The following PCCA variants were observed in gnomAD, a reference collection of about 807,000 sequenced individuals.
PCCA encodes the protein propionyl-CoA carboxylase subunit alpha, also known as propionyl-CoA carboxylase alpha chain, mitochondrial.
Under a neutral mutation model 101.3 loss-of-function variants are expected in PCCA, and 74 were observed. The observed-to-expected ratio is 0.73, with a 90% CI of 0.61 to 0.89. PCCA has a LOEUF of 0.89. Ranked by LOEUF, PCCA falls within the 40% of genes least tolerant of loss-of-function variation. PCCA has a pLI of 0.00. For missense variants in PCCA, 891 were observed against 907.0 expected (o/e 0.98, Z 0.23); for synonymous variants, 294 against 313.6 (o/e 0.94, Z 0.66).
intron 18 of PCCA, among the ~76,000 whole-genome samples, chr13:100,343,457 T>C (rs1393506149): frequency 6.6e-6 from 1 of 152,230 alleles, no homozygotes; most frequent in East Asian, 1.9e-4. Context: ...AATAAACAGC[T>C]ACATTCACTA....
rs372824956 is a variant in PCCA, at chr13:100,397,612, T to G, written c.1747-28021T>G. Among the ~76,000 whole-genome samples the G allele has an allele frequency of 1.1e-3, 165 of 152,314 alleles. 6 individuals are homozygous for G. The South Asian group carries it at 0.031, about 29-fold the overall frequency. On this transcript the variant is annotated intron_variant, in intron 19 of 23. Transcript: ENST00000376285. Reference sequence around the variant, plus strand: ...GAGAGGGAATTATAAAATATGCCATTTTCTAACTCAGTGTTTAAACCTTAA... The same window carrying G: ...GAGAGGGAATTATAAAATATGCCATGTTCTAACTCAGTGTTTAAACCTTAA...
chr13:100,264,150 T>C (rs182384529), intron 10 of PCCA, among the ~76,000 whole-genome samples: 2 of 118,108 alleles, frequency 1.7e-5, no homozygotes, highest in Admixed American at 1.8e-4. Context: ...CTGTATATCG[T>C]ATATATATGG....
chr13:100,385,849 C>T (rs1369746173), intron 19 of PCCA, among the ~76,000 whole-genome samples: 1 of 152,172 alleles, frequency 6.6e-6, no homozygotes, highest in Non-Finnish European at 1.5e-5. Context: ...TGGGCTGAAA[C>T]AATCCACCTG....
chr13:100,223,288 C>T (rs989802161), intron 7 of PCCA, among the ~76,000 whole-genome samples: 1 of 152,128 alleles, frequency 6.6e-6, no homozygotes, highest in Non-Finnish European at 1.5e-5. Context: ...CGGACCCTCG[C>T]GGTGAGTGTT....
intron 6 of PCCA, among the ~76,000 whole-genome samples, chr13:100,157,716 A>G (rs2054017405): frequency 6.6e-6 from 1 of 152,180 alleles, no homozygotes; most frequent in African/African-American, 2.4e-5. Context: ...CAATGCCTCT[A>G]TTTTGGGTGA....
At chr13:100,310,995 G>A (rs1192815512) in intron 16 of PCCA, among the ~76,000 whole-genome samples, 2 of 152,018 alleles carry the variant, frequency 1.3e-5, no homozygotes, top group African/African-American at 4.8e-5. Flanking sequence ...TAGCACTTTG[G>A]GAGGCTGAGG....
intron 19 of PCCA, among the ~76,000 whole-genome samples, chr13:100,405,769 C>T (rs867563267): frequency 1.0e-3 from 119 of 116,332 alleles, no homozygotes; most frequent in South Asian, 1.4e-3. Flanking sequence ...AAGTGACATT[C>T]TTTTTTTTTT....
intron 20 of PCCA, among the ~76,000 whole-genome samples, chr13:100,445,149 A>C (rs2080729393): frequency 6.6e-6 from 1 of 152,158 alleles, no homozygotes; most frequent in Non-Finnish European, 1.5e-5. Flanking sequence ...GCTCTTTTAA[A>C]CAACCAGCTT....
At chr13:100,144,176 G>A (rs1226235986) in intron 4 of PCCA, among the ~76,000 whole-genome samples, 1 of 152,064 alleles carries the variant, frequency 6.6e-6, no homozygotes, top group African/African-American at 2.4e-5. Flanking sequence ...TTCAATGTCT[G>A]GGAGCTAACT....
At chr13:100,121,982 C>A (rs1274111276) in intron 4 of PCCA, among the ~76,000 whole-genome samples, 2 of 152,136 alleles carry the variant, frequency 1.3e-5, no homozygotes, top group Non-Finnish European at 2.9e-5. Flanking sequence ...GATTTAGGCT[C>A]TGGTATTTTC....
rs945257846 is a variant in PCCA at position 100,207,485 on chromosome 13, G to A, written c.469-1847G>A. Among the ~76,000 whole-genome samples the A allele has an allele frequency of 6.6e-5, 10 of 152,026 alleles. 1 individual carries two copies. The East Asian group carries it at 7.9e-4, about 12-fold the overall frequency. On this transcript the variant is annotated intron_variant, in intron 6 of 23. Coordinates refer to ENST00000376285, the MANE Select transcript of PCCA (RefSeq NM_000282.4). ...AACCTCTGACTCCTGGGTTCAAGCA[G>A]TTCTCCCACCTCAGCCTCCCAAGTA...
intron 4 of PCCA, among the ~76,000 whole-genome samples, chr13:100,133,172 CAT>C (rs1451620087): frequency 6.6e-6 from 1 of 152,172 alleles, no homozygotes; most frequent in Admixed American, 6.5e-5. Context: ...ACCTTCTTCT[CAT>C]GTGCTTATTT....
At chr13:100,376,263 C>G (rs963695313) in intron 19 of PCCA, among the ~76,000 whole-genome samples, 4 of 152,216 alleles carry the variant, frequency 2.6e-5, no homozygotes, top group Non-Finnish European at 5.9e-5. Context: ...AGCTGGAGCT[C>G]TCCTGTGTGA....
intron 4 of PCCA, among the ~76,000 whole-genome samples, chr13:100,125,241 C>T (rs1397905353): frequency 6.6e-6 from 1 of 151,834 alleles, no homozygotes; most frequent in Non-Finnish European, 1.5e-5. Context: ...TGATGGCTGT[C>T]CTGGTCCATG....
intron 19 of PCCA, among the ~76,000 whole-genome samples, chr13:100,393,000 T>C (rs559984419): frequency 6.6e-6 from 1 of 152,302 alleles, no homozygotes; most frequent in East Asian, 1.9e-4. Flanking sequence ...TCCTGACGGC[T>C]CCTGCTTCTC....
intron 4 of PCCA, among the ~76,000 whole-genome samples, chr13:100,151,909 A>G (rs2053373522): frequency 2.0e-5 from 3 of 152,226 alleles, no homozygotes; most frequent in Admixed American, 1.3e-4. Context: ...AAACAAATAT[A>G]TCTACTCAGC....
chr13:100,165,890 ATAAATAAG>A (rs1194155058), intron 6 of PCCA, among the ~76,000 whole-genome samples: 12 of 152,338 alleles, frequency 7.9e-5, no homozygotes, highest in African/African-American at 2.9e-4. Context: ...TCTCAAAAAA[ATAAATAAG>A]TAAATAAGTA....
chr13:100,300,359 G>A (rs2065966712), intron 12 of PCCA, among the ~76,000 whole-genome samples: 1 of 151,836 alleles, frequency 6.6e-6, no homozygotes, highest in Non-Finnish European at 1.5e-5. Context: ...TTTTTTTTAA[G>A]ACTATGGCAT....
chr13:100,410,262 G>T (rs902046714), intron 19 of PCCA, among the ~76,000 whole-genome samples: 1 of 151,584 alleles, frequency 6.6e-6, no homozygotes, highest in Non-Finnish European at 1.5e-5. Flanking sequence ...TTGTTTTTTT[G>T]AGACGGAGTC....
Sources: gnomAD v4.1 joint callset for allele counts (sites outside exome capture counted in the v4.1 genomes callset) on GRCh38, gnomAD v4.1.1 for gene constraint, MANE v1.5 for transcripts, NCBI Gene and HGNC (gene_info 2026-07-23, HGNC 2026-07-21) for gene names.